The following GDPD3 variants were observed in gnomAD, a reference collection of about 807,000 sequenced individuals.
GDPD3 encodes glycerophosphodiester phosphodiesterase domain containing 3, also known as lysophospholipase D GDPD3.
A neutral mutation model predicts 43.7 loss-of-function variants in GDPD3; 40 were observed. That is an observed-to-expected ratio of 0.91 (90% CI 0.71 to 1.19). The LOEUF (loss-of-function observed/expected upper bound fraction) is 1.19, where lower values mean the gene tolerates loss of function less well. Among genes scored for constraint, GDPD3 ranks in the 50% most tolerant of loss-of-function variants. The pLI is 0.00. For missense variants in GDPD3, 363 were observed against 415.8 expected (o/e 0.87, Z 1.11); for synonymous variants, 145 against 162.9 (o/e 0.89, Z 0.84).
chr16:30,112,900 G>A lies in GDPD3; in HGVS notation c.183-107C>T, dbSNP rs1020406973. On this transcript the variant is annotated intron_variant, in intron 2 of 9. Transcript: ENST00000406256. The surrounding 1 kb of genome is among the most constrained non-coding windows in gnomAD (Gnocchi z 5.4). The stretch of plus-strand genomic sequence containing the variant: ...GAGAGCGGAGTTCGTGGCGGGATGT[G>A]CAGGCCACCTCCAGGGGGCGCCAGT... The A allele has an allele frequency of 1.1e-5, 16 of 1,484,924 alleles. No homozygotes were observed. The African/African-American group carries it at 2.2e-4, about 20-fold the overall frequency. The allele number at this position is 1,484,924 out of a possible 1,614,324, so 92.0% of individuals were successfully genotyped here.
At position 30,104,859 on chromosome 16, in the gene GDPD3, G is replaced by T. The variant is rs367928539; in HGVS notation, c.*13C>A. ...TTCAGGAAGAGAAACAGGAGACCTC[G>T]AGGCTTCTGGACTTAGGAGGTCCGG... is the stretch of plus-strand genomic sequence containing the variant. On this transcript the variant is annotated 3_prime_UTR_variant, in exon 10 of 10. Coordinates refer to ENST00000406256, the MANE Select transcript of GDPD3 (RefSeq NM_024307.3). 2 of 1,611,054 alleles carry T rather than the reference G, an allele frequency of 1.2e-6. No homozygotes were observed. Among genetic ancestry groups the T allele is most frequent in the Non-Finnish European group, 1.7e-6 (2 of 1,179,294 alleles).
Position 30,113,023 on chromosome 16 carries a change from TCTCCATGGC to T in GDPD3, c.172_180del (p.Ala58_Glu60del). ...CTGGGCAGGGGCAGATACACTCACTTCTCCATGGCCTCCATGGTGTTCTCCAGCAGCTCT... is the reference window on the plus strand; with the variant it reads ...CTGGGCAGGGGCAGATACACTCACTTCTCCATGGTGTTCTCCAGCAGCTCT... On this transcript the variant is annotated inframe_deletion and splice_region_variant, in exon 2 of 10. Transcript: ENST00000406256. This position sits in a 1 kb window ranked among gnomAD's most constrained non-coding sequence, Gnocchi z 5.9. The T allele has an allele frequency of 6.2e-7, 1 of 1,613,104 alleles. No individual in the cohort carries two copies. Among genetic ancestry groups the T allele is most frequent in the Non-Finnish European group, 8.5e-7 (1 of 1,179,584 alleles).
At position 30,112,017 on chromosome 16, in the gene GDPD3, C is replaced by G. The variant is rs973531034; in HGVS notation, c.573+115G>C. 1 of 755,154 alleles carries G rather than the reference C, an allele frequency of 1.3e-6. No individual in the cohort carries two copies. The highest frequency in any genetic ancestry group is 2.3e-6 in the Non-Finnish European group (1 of 439,750). 46.8% of individuals were successfully genotyped at this position (755,154 alleles called of 1,614,324 possible). ...CCTTTTCATTGCCACCGCCACGCCA[C>G]TGGGAACTCTCCCAGACCCCTCTAG... is the stretch of plus-strand genomic sequence containing the variant. On this transcript the variant is annotated intron_variant, in intron 6 of 9. Transcript: ENST00000406256. The surrounding 1 kb of genome is among the most constrained non-coding windows in gnomAD (Gnocchi z 5.4).
rs1209752564 is a variant in GDPD3 at position 30,113,235 on chromosome 16, G to A, written c.139+105C>T. ...CGTCCACACCCTGCCCTGCCACTTC[G>A]CTCTCCTTCTCTCTTGGTCCCTGCC... On this transcript the variant is annotated intron_variant, in intron 1 of 9. Coordinates refer to ENST00000406256, the MANE Select transcript of GDPD3 (RefSeq NM_024307.3). This position sits in a 1 kb window ranked among gnomAD's most constrained non-coding sequence, Gnocchi z 5.9. 5.4e-5 allele frequency: 78 copies of A among 1,457,856 alleles called. No homozygotes were observed. Among genetic ancestry groups the A allele is most frequent in the East Asian group, 9.1e-5 (4 of 43,912 alleles). The allele number at this position is 1,457,856 out of a possible 1,614,324, so 90.3% of individuals were successfully genotyped here.
chr16:30,113,507 CCA>C lies in GDPD3; in HGVS notation c.-31_-30del. On this transcript the variant is annotated 5_prime_UTR_variant, in exon 1 of 10. Transcript: ENST00000406256. This position sits in a 1 kb window ranked among gnomAD's most constrained non-coding sequence, Gnocchi z 5.9. ...CGTACTCCCACAGAAGCTCCTGCAG[CCA>C]CACGCTCAGCCGTCCGCGGGACTGT... 6.6e-7 allele frequency: 1 copy of C among 1,517,410 alleles called. No individual in the cohort carries two copies. Among genetic ancestry groups the C allele is most frequent in the African/African-American group, 1.4e-5 (1 of 72,298 alleles). 94.0% of individuals were successfully genotyped at this position (1,517,410 alleles called of 1,614,324 possible). A position where few individuals can be genotyped will look rare whatever the true frequency, so the allele number is the denominator to read the frequency against.
In GDPD3 at chr16:30,112,632, G is replaced by T. The variant is rs1382928863; in HGVS notation, c.318+26C>A. On this transcript the variant is annotated intron_variant, in intron 3 of 9. Transcript: ENST00000406256. This position sits in a 1 kb window ranked among gnomAD's most constrained non-coding sequence, Gnocchi z 5.4. ...TGGGCATGGTGACTCTCAGGGTGGG[G>T]GTTGGGGTGTCAGGGCAGGGCCCAC... is the stretch of plus-strand genomic sequence containing the variant. 3 of 1,614,072 alleles carry T rather than the reference G, an allele frequency of 1.9e-6. 1 individual carries two copies. The Admixed American group carries it at 5.0e-5, about 27-fold the overall frequency.
rs1007172775 is a variant in GDPD3, at chr16:30,105,516, A to T, written c.820-507T>A. On this transcript the variant is annotated intron_variant, in intron 9 of 9. Coordinates refer to ENST00000406256, the MANE Select transcript of GDPD3 (RefSeq NM_024307.3). ...AAATTATTTATTTATTTATTTATTTATTTTTTGAGATGGAGTCTTGGTTTG... is the reference window on the plus strand; with the variant it reads ...AAATTATTTATTTATTTATTTATTTTTTTTTTGAGATGGAGTCTTGGTTTG... Among the ~76,000 whole-genome samples, 18 of 150,292 alleles carry T rather than the reference A, an allele frequency of 1.2e-4. No homozygotes were observed. In the East Asian group the frequency reaches 2.0e-3, roughly 16 times the overall value.
chr16:30,109,962 G>T (rs1347865392), intron 7 of GDPD3, among the ~76,000 whole-genome samples: 2 of 152,074 alleles, frequency 1.3e-5, no homozygotes, highest in Non-Finnish European at 2.9e-5. Flanking sequence ...CCTAGGGCAG[G>T]CTCTGGAGTC....
At chr16:30,108,190 G>A (rs1453427730) in intron 9 of GDPD3, 23 bp downstream of exon 9, 15 of 1,567,194 alleles carry the variant, frequency 9.6e-6, no homozygotes, top group Non-Finnish European at 1.3e-5. Context: ...TGTGTGCGGT[G>A]GAAGTGGTGG....
rs1010159176 is a variant in GDPD3, at chr16:30,112,261, C to G, written c.484-40G>C. The G allele has an allele frequency of 1.2e-6, 2 of 1,613,220 alleles. No individual in the cohort carries two copies. Among genetic ancestry groups the G allele is most frequent in the South Asian group, 2.2e-5 (2 of 91,070 alleles). On this transcript the variant is annotated intron_variant, in intron 5 of 9. Coordinates refer to ENST00000406256, the MANE Select transcript of GDPD3 (RefSeq NM_024307.3). The surrounding 1 kb of genome is among the most constrained non-coding windows in gnomAD (Gnocchi z 5.4). ...AGGAGGTGAAGGGAGAGCCAGGCCT[C>G]TCTCACGCCCCCGGTGGCCGCCCTA...
At chr16:30,110,096 G>A (rs2072888513) in intron 7 of GDPD3, among the ~76,000 whole-genome samples, 2 of 152,062 alleles carry the variant, frequency 1.3e-5, no homozygotes, top group African/African-American at 4.8e-5. Flanking sequence ...CCTCCTGGGG[G>A]TGCTGCAAGG....
intron 7 of GDPD3, among the ~76,000 whole-genome samples, chr16:30,109,532 C>T (rs370168558): frequency 2.1e-3 from 323 of 151,432 alleles, no homozygotes; most frequent in African/African-American, 7.4e-3. Flanking sequence ...AATGGCCGGG[C>T]GCGGTGGTTC....
At position 30,113,110 on chromosome 16, in the gene GDPD3, G is replaced by T. The variant is rs555397157; in HGVS notation, c.140-46C>A. 3 of 1,552,790 alleles carry T rather than the reference G, an allele frequency of 1.9e-6. No individual in the cohort carries two copies. Among genetic ancestry groups the T allele is most frequent in the Non-Finnish European group, 2.7e-6 (3 of 1,128,418 alleles). Reference sequence around the variant, plus strand: ...GGCCTCTGGGGCTTGGGGTCTAGGGGCCTGGCCCAACCTCATCACCCACAT... The same window carrying T: ...GGCCTCTGGGGCTTGGGGTCTAGGGTCCTGGCCCAACCTCATCACCCACAT... On this transcript the variant is annotated intron_variant, in intron 1 of 9. Transcript: ENST00000406256. The surrounding 1 kb of genome is among the most constrained non-coding windows in gnomAD (Gnocchi z 5.9).
intron 7 of GDPD3, among the ~76,000 whole-genome samples, chr16:30,109,274 G>A (rs2072883407): frequency 6.6e-6 from 1 of 152,230 alleles, no homozygotes; most frequent in South Asian, 2.1e-4. Flanking sequence ...GCTCACACCT[G>A]TAATCGCAGC....
In GDPD3 at chr16:30,112,054, A is replaced by T; in HGVS notation, c.573+78T>A. On this transcript the variant is annotated intron_variant, in intron 6 of 9. Transcript: ENST00000406256. This position sits in a 1 kb window ranked among gnomAD's most constrained non-coding sequence, Gnocchi z 5.4. ...CCAGACCCCTCTAGCTCGGGTCCCC[A>T]TGCTGGGTGGGCTCCAGCTCTGGGG... 8.4e-7 allele frequency: 1 copy of T among 1,193,568 alleles called. No individual in the cohort carries two copies. Among genetic ancestry groups the T allele is most frequent in the Non-Finnish European group, 1.2e-6 (1 of 810,492 alleles). 73.9% of individuals were successfully genotyped at this position (1,193,568 alleles called of 1,614,324 possible).
intron 7 of GDPD3, chr16:30,110,584 A>G (rs930250893): frequency 6.6e-6 from 1 of 151,186 alleles, no homozygotes; most frequent in Admixed American, 6.6e-5. Flanking sequence ...TCAGAAAGCA[A>G]AGGGAGACCG....
intron 6 of GDPD3, chr16:30,111,858 A>G: frequency 1.8e-6 from 1 of 548,596 alleles, no homozygotes; most frequent in South Asian, 2.1e-5. Flanking sequence ...GCTTGAACCC[A>G]GGAGGCAGAG....
At position 30,112,215 on chromosome 16, in the gene GDPD3, C is replaced by T. The variant is rs762703724; in HGVS notation, c.490G>A (p.Gly164Ser). Residue 164 changes from glycine to serine, a missense_variant, in exon 6 of 10, where the codon GGC (glycine) becomes AGC (serine). By Grantham distance (56) the Gly-to-Ser change is moderately conservative. Transcript: ENST00000406256. The surrounding 1 kb of genome is among the most constrained non-coding windows in gnomAD (Gnocchi z 5.4). ...TTACGGTCATAGCGTCTCACCAAGC[C>T]TGCTATCTGGGAGGAGGAGAAGGAG... The part of the protein sequence containing the change: ...KNEELIREIA[G>S]LVRRYDRNEI... The T allele has an allele frequency of 4.3e-6, 7 of 1,613,846 alleles. No individual in the cohort carries two copies. The highest frequency in any genetic ancestry group is 1.6e-4 in the Middle Eastern group (1 of 6,084).
intron 9 of GDPD3, among the ~76,000 whole-genome samples, chr16:30,106,266 G>C (rs1387427139): frequency 6.6e-6 from 1 of 152,156 alleles, no homozygotes; most frequent in Non-Finnish European, 1.5e-5. Flanking sequence ...ACATGATGGG[G>C]TGCCACCATG....
Sources: gnomAD v4.1 joint callset for allele counts (sites outside exome capture counted in the v4.1 genomes callset) on GRCh38, gnomAD v4.1.1 for gene constraint, Gnocchi (gnomAD v3.1) non-coding constraint, MANE v1.5 for transcripts, NCBI Gene and HGNC (gene_info 2026-07-23, HGNC 2026-07-21) for gene names.